METTL25: variants seen among roughly 807,000 people sequenced by gnomAD.
METTL25 encodes methyltransferase like 25.
METTL25 carries 64 observed loss-of-function variants against 71.6 expected under a neutral mutation model. The observed-to-expected ratio is 0.89, with a 90% CI of 0.73 to 1.10. METTL25 has a LOEUF of 1.10. METTL25 is among the 50% of genes least tolerant of loss of function. The pLI, the probability that METTL25 is intolerant of heterozygous loss-of-function variation, is 0.00. For synonymous variants in METTL25, 287 were observed against 250.3 expected (o/e 1.15, Z -1.38); for missense variants, 807 against 707.0 (o/e 1.14, Z -1.60).
At chr12:82,477,454 A>G in intron 11 of METTL25, 102 bp downstream of exon 11, 2 of 519,876 alleles carry the variant, frequency 3.8e-6, no homozygotes, top group East Asian at 6.5e-5. Context: ...AAAACTAGTA[A>G]GAAAATTTTT....
chr12:82,384,395 CT>C (rs1884753259), intron 1 of METTL25, among the ~76,000 whole-genome samples: 4 of 92,720 alleles, frequency 4.3e-5, no homozygotes, highest in African/African-American at 1.5e-4. Context: ...CTCTCTCTCT[CT>C]GTCTTCCTCC....
chr12:82,387,535 A>G (rs1885155380), intron 2 of METTL25, among the ~76,000 whole-genome samples: 1 of 151,658 alleles, frequency 6.6e-6, no homozygotes, highest in South Asian at 2.1e-4. Context: ...TATCTTACAC[A>G]AACCTCTTTC....
intron 8 of METTL25, among the ~76,000 whole-genome samples, chr12:82,441,077 A>G (rs1890286236): frequency 6.6e-6 from 1 of 152,064 alleles, no homozygotes; most frequent in Admixed American, 6.6e-5. Context: ...CAAGCCAAGT[A>G]AACCACTCAT....
At position 82,427,761 on chromosome 12, in the gene METTL25, C is replaced by G. The variant is rs140750429; in HGVS notation, c.1280-3132C>G. Among the ~76,000 whole-genome samples the G allele has an allele frequency of 2.6e-5, 4 of 151,692 alleles. No individual in the cohort carries two copies. The East Asian group carries it at 7.9e-4, about 30-fold the overall frequency. ...GTTTCCCTTGTTCCCTGGGTTTCGC[C>G]TGTGACCACAATCATCATCTGTTTA... On this transcript the variant is annotated intron_variant, in intron 5 of 11. Transcript: ENST00000248306.
At chr12:82,429,044 G>A (rs963590153) in intron 5 of METTL25, among the ~76,000 whole-genome samples, 3 of 151,768 alleles carry the variant, frequency 2.0e-5, no homozygotes, top group African/African-American at 7.3e-5. Flanking sequence ...TGTGTATTGG[G>A]AACATTTCAA....
chr12:82,447,254 G>A (rs187543809), intron 8 of METTL25, among the ~76,000 whole-genome samples: 1 of 151,998 alleles, frequency 6.6e-6, no homozygotes, highest in African/African-American at 2.4e-5. Flanking sequence ...ATATATATTA[G>A]ACAAAGTCTT....
chr12:82,368,245 G>A (rs1882795023), intron 1 of METTL25, among the ~76,000 whole-genome samples: 1 of 152,184 alleles, frequency 6.6e-6, no homozygotes, highest in Non-Finnish European at 1.5e-5. Context: ...ACCTATGGCA[G>A]AGGTAGAAAA....
In METTL25 at chr12:82,398,825, C is replaced by T; in HGVS notation, c.562C>T (p.Leu188=). ...TGACTTGGGTTCCGGTAAAGGCTAC[C>T]TAAGCTCTTTTTTGTCCTTGAAGTA... ...VIDLGSGKGY[L]SSFLSLKYGL... The change falls in exon 4 of 12, where the codon CTA becomes TTA. Residue 188 remains leucine (L), a synonymous_variant. Transcript: ENST00000248306. The T allele has an allele frequency of 1.3e-6, 2 of 1,567,586 alleles. No individual in the cohort carries two copies. Among genetic ancestry groups the T allele is most frequent in the Non-Finnish European group, 1.7e-6 (2 of 1,165,430 alleles).
chr12:82,404,084 CAG>C (rs1013669199), intron 5 of METTL25, among the ~76,000 whole-genome samples: 5 of 151,990 alleles, frequency 3.3e-5, no homozygotes, highest in African/African-American at 1.2e-4. Context: ...CAAGGTGAAA[CAG>C]AAACCATTTT....
chr12:82,422,034 C>A (rs570022831), intron 5 of METTL25, among the ~76,000 whole-genome samples: 9 of 152,292 alleles, frequency 5.9e-5, no homozygotes, highest in African/African-American at 2.2e-4. Context: ...GGAATCCTTC[C>A]TAACTCATTT....
rs143218307 is a variant in METTL25 at position 82,358,746 on chromosome 12, G to T, written c.181G>T (p.Ala61Ser). Residue 61 changes from alanine to serine, a missense_variant, in exon 1 of 12, where the codon GCG becomes TCG. Coordinates refer to ENST00000248306, the MANE Select transcript of METTL25 (RefSeq NM_032230.3). ...CTTGCCACCGGAGACAGTGCTGGCT[G>T]CGCTGAGGAAGTCAGCGTCGGAGAC... is the stretch of plus-strand genomic sequence containing the variant. ...VDLPPETVLA[A>S]LRKSASETEA... 1.6e-5 allele frequency: 26 copies of T among 1,614,006 alleles called. No homozygotes were observed. The African/African-American group carries it at 2.8e-4, about 17-fold the overall frequency.
rs555193645 is a variant in METTL25 at position 82,474,054 on chromosome 12, G to A, written c.1573-2590G>A. Among the ~76,000 whole-genome samples the A allele has an allele frequency of 1.2e-4, 18 of 152,206 alleles. No homozygotes were observed. In the South Asian group the frequency reaches 2.1e-3, roughly 18 times the overall value. ...AAGGCTAGGTGGGAGTGGGGAGTGC[G>A]CGCATTGTTCTCCTAATCTGGGACA... On this transcript the variant is annotated intron_variant, in intron 9 of 11. Coordinates refer to ENST00000248306, the MANE Select transcript of METTL25 (RefSeq NM_032230.3).
intron 1 of METTL25, among the ~76,000 whole-genome samples, chr12:82,383,285 C>T (rs1184722337): frequency 2.0e-5 from 3 of 151,708 alleles, no homozygotes; most frequent in Non-Finnish European, 4.4e-5. Flanking sequence ...AGTGATTCTC[C>T]TGTCTCAGCC....
intron 4 of METTL25, 137 bp from the exon 5 acceptor site, chr12:82,402,846 T>G: frequency 5.2e-6 from 3 of 574,362 alleles, no homozygotes; most frequent in South Asian, 5.5e-5. Context: ...CAGTAGCACG[T>G]GATATTCGTG....
intron 5 of METTL25, among the ~76,000 whole-genome samples, chr12:82,412,883 T>G (rs1887659608): frequency 6.6e-6 from 1 of 152,014 alleles, no homozygotes; most frequent in Non-Finnish European, 1.5e-5. Flanking sequence ...GGAAATATTT[T>G]ACTTTACTTA....
intron 7 of METTL25, among the ~76,000 whole-genome samples, chr12:82,435,626 C>A (rs1304444903): frequency 6.6e-6 from 1 of 151,136 alleles, no homozygotes; most frequent in Non-Finnish European, 1.5e-5. Context: ...AGTTCATAAC[C>A]CTGGACACAT....
chr12:82,410,248 CA>C (rs1180907206), intron 5 of METTL25, among the ~76,000 whole-genome samples: 1 of 152,026 alleles, frequency 6.6e-6, no homozygotes, highest in Non-Finnish European at 1.5e-5. Context: ...TTAATATCAG[CA>C]CTAAATCATG....
chr12:82,402,967 T>G lies in METTL25; in HGVS notation c.1132-16T>G. The G allele has an allele frequency of 1.3e-6, 2 of 1,561,082 alleles. No homozygotes were observed. Among genetic ancestry groups the G allele is most frequent in the Non-Finnish European group, 1.7e-6 (2 of 1,157,026 alleles). ...TTTTAATTACCAAATTTTATTTTTC[T>G]TCTTGTATTTTAAAGGATTGTTTGA... On this transcript the variant is annotated splice_polypyrimidine_tract_variant and intron_variant, in intron 4 of 11. Transcript: ENST00000248306.
chr12:82,364,168 G>A (rs1324731673), intron 1 of METTL25, among the ~76,000 whole-genome samples: 1 of 152,178 alleles, frequency 6.6e-6, no homozygotes, highest in Non-Finnish European at 1.5e-5. Flanking sequence ...ATCTGGTTTG[G>A]GATCTTAAGA....
Sources: gnomAD v4.1 joint callset for allele counts (sites outside exome capture counted in the v4.1 genomes callset) on GRCh38, gnomAD v4.1.1 for gene constraint, MANE v1.5 for transcripts, NCBI Gene and HGNC (gene_info 2026-07-23, HGNC 2026-07-21) for gene names.